The following GULP1 variants were observed in gnomAD, a reference collection of about 807,000 sequenced individuals.
The protein encoded by GULP1 is GULP PTB domain containing engulfment adaptor 1, also known as PTB domain-containing engulfment adapter protein 1.
In GULP1, 19 loss-of-function variants were observed where a neutral mutation model predicts 40.9. That is an observed-to-expected ratio of 0.46 (90% CI 0.32 to 0.68). GULP1 has a LOEUF of 0.68. Among genes scored for constraint, GULP1 ranks in the 30% least tolerant of loss-of-function variants. The pLI is 0.03. For synonymous variants in GULP1, 119 were observed against 117.6 expected (o/e 1.01, Z -0.08); for missense variants, 312 against 362.2 (o/e 0.86, Z 1.12).
intron 11 of GULP1, chr2:188,593,369 A>T (rs79401620): frequency 0.037 from 5,573 of 152,184 alleles, 345 homozygotes; most frequent in African/African-American, 0.13. Flanking sequence ...GAAGAGTAGG[A>T]GTCAAAGAAG....
chr2:188,444,115 G>A (rs1415103564), intron 2 of GULP1, among the ~76,000 whole-genome samples: 1 of 152,096 alleles, frequency 6.6e-6, no homozygotes, highest in African/African-American at 2.4e-5. Flanking sequence ...ACCCTTAGCT[G>A]ATCTTCCTGC....
intron 6 of GULP1, among the ~76,000 whole-genome samples, chr2:188,531,583 G>A (rs1575825864): frequency 6.6e-6 from 1 of 152,028 alleles, no homozygotes. Context: ...TAGTTACGGC[G>A]ATTCTAAAAT....
At chr2:188,473,147 G>GTCTCTCTT (rs1271883692) in intron 2 of GULP1, among the ~76,000 whole-genome samples, 8 of 147,292 alleles carry the variant, frequency 5.4e-5, no homozygotes, top group African/African-American at 2.1e-4. Flanking sequence ...AACAAATGGG[G>GTCTCTCTT]TCTCTCTTTC....
chr2:188,409,566 T>A (rs1003739762), intron 2 of GULP1, among the ~76,000 whole-genome samples: 1 of 152,112 alleles, frequency 6.6e-6, no homozygotes, highest in Non-Finnish European at 1.5e-5. Context: ...AATTTTTTTT[T>A]CCAAAAATTG....
chr2:188,311,806 A>G (rs935591398), intron 1 of GULP1, among the ~76,000 whole-genome samples: 1 of 148,034 alleles, frequency 6.8e-6, no homozygotes, highest in Non-Finnish European at 1.5e-5. Flanking sequence ...TTGTATGCAT[A>G]TACTTATACG....
intron 1 of GULP1, among the ~76,000 whole-genome samples, chr2:188,355,080 C>T (rs1574664941): frequency 6.6e-6 from 1 of 152,144 alleles, no homozygotes; most frequent in African/African-American, 2.4e-5. Context: ...ATAAGCTCTA[C>T]ATCCAAAAAG....
intron 1 of GULP1, among the ~76,000 whole-genome samples, chr2:188,381,437 T>G (rs1366733868): frequency 6.6e-6 from 1 of 152,176 alleles, no homozygotes; most frequent in East Asian, 1.9e-4. Context: ...GGATAATATT[T>G]TCTTTTATTA....
chr2:188,540,906 T>C (rs755991306), intron 6 of GULP1, among the ~76,000 whole-genome samples: 6 of 152,180 alleles, frequency 3.9e-5, no homozygotes, highest in Non-Finnish European at 8.8e-5. Context: ...AGAGCCATTG[T>C]AGCTCAGATA....
chr2:188,348,819 T>C (rs2044056617), intron 1 of GULP1, among the ~76,000 whole-genome samples: 1 of 152,046 alleles, frequency 6.6e-6, no homozygotes. Flanking sequence ...CTGGAACCAG[T>C]CCCCCTCCGA....
At chr2:188,563,387 A>G (rs112298339) in intron 7 of GULP1, among the ~76,000 whole-genome samples, 8,855 of 151,392 alleles carry the variant, frequency 0.058, 375 homozygotes, top group Non-Finnish European at 0.085. Flanking sequence ...TTATACCAGT[A>G]AATTTGGTAA....
At chr2:188,467,586 T>C (rs1482118927) in intron 2 of GULP1, among the ~76,000 whole-genome samples, 1 of 152,164 alleles carries the variant, frequency 6.6e-6, no homozygotes, top group African/African-American at 2.4e-5. Flanking sequence ...ATCCGTAAGC[T>C]GTACACACAG....
chr2:188,418,568 G>A (rs1559218741), intron 2 of GULP1, among the ~76,000 whole-genome samples: 2 of 152,156 alleles, frequency 1.3e-5, no homozygotes, highest in African/African-American at 4.8e-5. Context: ...GGGAGGTGGA[G>A]GTTGCAGTGA....
chr2:188,470,282 A>C (rs1317787720), intron 2 of GULP1, among the ~76,000 whole-genome samples: 2 of 152,040 alleles, frequency 1.3e-5, no homozygotes, highest in African/African-American at 4.8e-5. Flanking sequence ...TTCAATCGTG[A>C]TACATTTTAT....
chr2:188,567,237 TCTAGAA>T (rs1220138101), intron 7 of GULP1, among the ~76,000 whole-genome samples: 1 of 152,114 alleles, frequency 6.6e-6, no homozygotes, highest in Non-Finnish European at 1.5e-5. Flanking sequence ...TCCTCAAGGA[TCTAGAA>T]CTAGAACTAC....
At chr2:188,438,337 T>C (rs922770697) in intron 2 of GULP1, among the ~76,000 whole-genome samples, 1 of 151,556 alleles carries the variant, frequency 6.6e-6, no homozygotes, top group African/African-American at 2.4e-5. Context: ...ACATCAAGAG[T>C]GTGATATATA....
intron 1 of GULP1, among the ~76,000 whole-genome samples, chr2:188,364,469 T>C (rs1463161817): frequency 1.3e-5 from 2 of 152,140 alleles, no homozygotes; most frequent in African/African-American, 4.8e-5. Context: ...ACATTCTGTC[T>C]CCAGGGAAGG....
chr2:188,383,910 A>G (rs1678469753), intron 2 of GULP1, 21 bp downstream of exon 2: 1 of 152,198 alleles, frequency 6.6e-6, no homozygotes, highest in Non-Finnish European at 1.5e-5. Flanking sequence ...ATGATTGTTT[A>G]TACATTTTCC....
chr2:188,480,725 T>C (rs557312151), intron 3 of GULP1, among the ~76,000 whole-genome samples: 3 of 151,892 alleles, frequency 2.0e-5, no homozygotes, highest in African/African-American at 7.2e-5. Context: ...TTTTATATTC[T>C]ATTTATTACA....
At chr2:188,563,506 T>G (rs1292872893) in intron 7 of GULP1, among the ~76,000 whole-genome samples, 1 of 149,698 alleles carries the variant, frequency 6.7e-6, no homozygotes, top group Non-Finnish European at 1.5e-5. Context: ...ATAAATTAAT[T>G]TATAAATGTA....
Sources: gnomAD v4.1 joint callset for allele counts (sites outside exome capture counted in the v4.1 genomes callset) on GRCh38, gnomAD v4.1.1 for gene constraint, MANE v1.5 for transcripts, NCBI Gene and HGNC (gene_info 2026-07-23, HGNC 2026-07-21) for gene names.